The following PIWIL2 variants were observed in gnomAD, a reference collection of about 807,000 sequenced individuals.
PIWIL2 encodes piwi like RNA-mediated gene silencing 2, also known as piwi-like protein 2.
Under a neutral mutation model 116.5 loss-of-function variants are expected in PIWIL2, and 81 were observed. The observed-to-expected ratio is 0.70, with a 90% CI of 0.58 to 0.84. The LOEUF is 0.84. PIWIL2 is among the 40% of genes least tolerant of loss of function. The pLI is 0.00. For synonymous variants in PIWIL2, 489 were observed against 429.5 expected (o/e 1.14, Z -1.71); for missense variants, 1,272 against 1,212.3 (o/e 1.05, Z -0.73).
At chr8:22,293,512 A>G (rs1052011448) in intron 10 of PIWIL2, among the ~76,000 whole-genome samples, 4 of 152,040 alleles carry the variant, frequency 2.6e-5, no homozygotes, top group Admixed American at 6.6e-5. Flanking sequence ...TTTAGTAGAG[A>G]CAGGGTTTCG....
intron 20 of PIWIL2, among the ~76,000 whole-genome samples, chr8:22,352,075 G>A (rs1832386292): frequency 6.6e-6 from 1 of 152,162 alleles, no homozygotes; most frequent in Non-Finnish European, 1.5e-5. Flanking sequence ...CTCCCAGGTA[G>A]CTGGGATTAG....
chr8:22,304,958 T>A, intron 12 of PIWIL2, 90 bp downstream of exon 12: 1 of 863,154 alleles, frequency 1.2e-6, no homozygotes. Context: ...GTGGGAGCTG[T>A]GGAGTAGCAA....
In PIWIL2 at chr8:22,292,270, A is replaced by ACTTGGACTG. The variant is rs1323766618; in HGVS notation, c.1181+1925_1181+1933dup. Reference sequence around the variant, plus strand: ...TTGAGCAGTGCACGGGCAAGACCCAACTTGGACTGTTGAAAGGATCCCTGT... The same window carrying ACTTGGACTG: ...TTGAGCAGTGCACGGGCAAGACCCAACTTGGACTGCTTGGACTGTTGAAAGGATCCCTGT... On this transcript the variant is annotated intron_variant, in intron 10 of 22. Coordinates refer to ENST00000356766, the MANE Select transcript of PIWIL2 (RefSeq NM_018068.5). Among the ~76,000 whole-genome samples, 7 of 151,494 alleles carry ACTTGGACTG rather than the reference A, an allele frequency of 4.6e-5. No homozygotes were observed. The East Asian group carries it at 1.3e-3, about 29-fold the overall frequency.
rs144583072 is a variant in PIWIL2 at position 22,316,299 on chromosome 8, C to T, written c.2263C>T (p.Arg755Cys). 5.6e-6 allele frequency: 9 copies of T among 1,612,308 alleles called. No homozygotes were observed. The highest frequency in any genetic ancestry group is 4.0e-5 in the African/African-American group (3 of 74,852). The change falls in exon 19 of 23, where the codon CGC (arginine) becomes TGC (cysteine). Residue 755 changes from arginine (R) to cysteine (C), a missense_variant. By Grantham distance (180) the Arg-to-Cys change is radical. Coordinates refer to ENST00000356766, the MANE Select transcript of PIWIL2 (RefSeq NM_018068.5). The part of the protein sequence containing the change: ...DVYHDPSRGM[R>C]SVVGFVASIN... ...TTACCATGACCCCAGTAGAGGCATG[C>T]GCTCCGTGGTTGGCTTCGTGGCAAG...
chr8:22,350,163 T>C (rs1832322398), intron 20 of PIWIL2, among the ~76,000 whole-genome samples: 2 of 152,116 alleles, frequency 1.3e-5, no homozygotes, highest in African/African-American at 2.4e-5. Context: ...AGCTGACAGG[T>C]TGGGAAACCT....
At chr8:22,281,766 G>A (rs865937432) in intron 4 of PIWIL2, among the ~76,000 whole-genome samples, 1 of 144,360 alleles carries the variant, frequency 6.9e-6, no homozygotes, top group Non-Finnish European at 1.5e-5. Flanking sequence ...TGATCATGGT[G>A]ATTTTTTTTT....
At chr8:22,278,201 T>C (rs1830422400) in intron 1 of PIWIL2, among the ~76,000 whole-genome samples, 1 of 151,150 alleles carries the variant, frequency 6.6e-6, no homozygotes, top group African/African-American at 2.4e-5. Flanking sequence ...AGAAATTGTT[T>C]ATAAACCAAA....
chr8:22,298,404 A>G (rs956547221), intron 10 of PIWIL2, among the ~76,000 whole-genome samples: 3 of 152,252 alleles, frequency 2.0e-5, no homozygotes, highest in African/African-American at 7.2e-5. Flanking sequence ...TTACGTAAGG[A>G]AGTAAGGCTG....
chr8:22,319,118 A>G (rs566125815), intron 20 of PIWIL2, among the ~76,000 whole-genome samples: 12 of 152,330 alleles, frequency 7.9e-5, no homozygotes, highest in African/African-American at 2.9e-4. Context: ...AAGCACTGAT[A>G]AGTGCCTTTC....
chr8:22,292,757 C>G (rs752937186), intron 10 of PIWIL2, among the ~76,000 whole-genome samples: 1 of 152,156 alleles, frequency 6.6e-6, no homozygotes, highest in Non-Finnish European at 1.5e-5. Context: ...GGAGATTGGT[C>G]GTTTGTTACT....
chr8:22,344,565 G>T (rs1178711989), intron 20 of PIWIL2, among the ~76,000 whole-genome samples: 2 of 151,884 alleles, frequency 1.3e-5, no homozygotes, highest in Non-Finnish European at 1.5e-5. Context: ...GTATGCACGA[G>T]GATATCTAAA....
rs766676082 is a variant in PIWIL2 at position 22,357,197 on chromosome 8, T to G, written c.*1692T>G. 1 of 152,178 alleles carries G rather than the reference T, an allele frequency of 6.6e-6. No homozygotes were observed. Among genetic ancestry groups the G allele is most frequent in the Admixed American group, 6.5e-5 (1 of 15,272 alleles). 9.4% of individuals were successfully genotyped at this position (152,178 alleles called of 1,614,324 possible). On this transcript the variant is annotated 3_prime_UTR_variant, in exon 23 of 23. Transcript: ENST00000356766. ...CAAGAAAACCAAGAATGTTTTTGGT[T>G]TGTTGCGGTGCCCAGCCGAGGTTGA...
chr8:22,312,722 C>G (rs934081884), intron 16 of PIWIL2, among the ~76,000 whole-genome samples: 2 of 152,158 alleles, frequency 1.3e-5, no homozygotes, highest in Non-Finnish European at 2.9e-5. Flanking sequence ...CTGACTGTAA[C>G]ATGAAACTTG....
intron 10 of PIWIL2, among the ~76,000 whole-genome samples, chr8:22,297,497 C>G (rs889566006): frequency 2.0e-5 from 3 of 151,484 alleles, no homozygotes; most frequent in Non-Finnish European, 4.4e-5. Flanking sequence ...TTATTTTTGT[C>G]TTTGGCTTTC....
chr8:22,352,611 T>C (rs986295050), intron 20 of PIWIL2, among the ~76,000 whole-genome samples: 1 of 152,214 alleles, frequency 6.6e-6, no homozygotes, highest in Non-Finnish European at 1.5e-5. Context: ...TTATTAGTGT[T>C]AAATCCAAGT....
At position 22,308,013 on chromosome 8, in the gene PIWIL2, C is replaced by T. The variant is rs146300730; in HGVS notation, c.1626C>T (p.Asn542=). Residue 542 remains asparagine, a synonymous_variant, in exon 14 of 23, where the codon AAC becomes AAT. Transcript: ENST00000356766. ...GCTTGCTGCAAAGAATTGCAAAGAA[C>T]GAGGCAGCCACCAATGAACTGATGC... is the stretch of plus-strand genomic sequence containing the variant. The part of the protein sequence containing the change: ...LECLLQRIAK[N]EAATNELMRW... The T allele has an allele frequency of 4.0e-5, 65 of 1,613,748 alleles. No homozygotes were observed. Among genetic ancestry groups the T allele is most frequent in the Admixed American group, 1.8e-4 (11 of 59,972 alleles).
At chr8:22,278,903 TC>T (rs1830438401) in intron 1 of PIWIL2, among the ~76,000 whole-genome samples, 1 of 152,168 alleles carries the variant, frequency 6.6e-6, no homozygotes, top group East Asian at 1.9e-4. Context: ...TGTCACTGTC[TC>T]CCATCACCCA....
intron 20 of PIWIL2, among the ~76,000 whole-genome samples, chr8:22,328,818 G>GTTTTTTTTTTTTT (rs57027657): frequency 1.9e-5 from 2 of 107,158 alleles, no homozygotes; most frequent in South Asian, 3.3e-4. Context: ...AGCTCTAGTC[G>GTTTTTTTTTTTTT]TTTTTTTTTT....
At chr8:22,291,118 G>A (rs1050444429) in intron 10 of PIWIL2, among the ~76,000 whole-genome samples, 5 of 151,450 alleles carry the variant, frequency 3.3e-5, no homozygotes, top group East Asian at 1.9e-4. Flanking sequence ...ATAGGCGCCC[G>A]CCACCATGTC....
Sources: gnomAD v4.1 joint callset for allele counts (sites outside exome capture counted in the v4.1 genomes callset) on GRCh38, gnomAD v4.1.1 for gene constraint, MANE v1.5 for transcripts, NCBI Gene and HGNC (gene_info 2026-07-23, HGNC 2026-07-21) for gene names.